KCNH7: variants seen among roughly 807,000 people sequenced by gnomAD.
The protein encoded by KCNH7 is voltage-gated inwardly rectifying potassium channel KCNH7.
A neutral mutation model predicts 120.8 loss-of-function variants in KCNH7; 49 were observed. That is an observed-to-expected ratio of 0.41 (90% CI 0.32 to 0.51). The LOEUF (loss-of-function observed/expected upper bound fraction) is 0.51. Ranked by LOEUF, KCNH7 falls within the 20% of genes least tolerant of loss-of-function variation. The pLI is 0.38. For synonymous variants in KCNH7, 547 were observed against 516.1 expected, an observed-to-expected ratio of 1.06 and a Z score of -0.81; for missense variants, 1,097 against 1,446.6, an observed-to-expected ratio of 0.76 and a Z score of 3.92.
rs571929603 is a variant in KCNH7 at position 162,648,166 on chromosome 2, A to C, written c.308-111086T>G. Reference sequence around the variant, plus strand: ...AGTAATTTATGAAGAAAAGAGGTTTAACTGACTCACAGTTCTGCAGGCTAT... The same window carrying C: ...AGTAATTTATGAAGAAAAGAGGTTTCACTGACTCACAGTTCTGCAGGCTAT... On this transcript the variant is annotated intron_variant, in intron 2 of 15. Coordinates refer to ENST00000332142, the MANE Select transcript of KCNH7 (RefSeq NM_033272.4). Among the ~76,000 whole-genome samples the C allele has an allele frequency of 3.3e-5, 5 of 152,312 alleles. No individual in the cohort carries two copies. The South Asian group carries it at 1.0e-3, about 32-fold the overall frequency.
intron 2 of KCNH7, among the ~76,000 whole-genome samples, chr2:162,666,502 T>C (rs866695027): frequency 1.4e-4 from 21 of 152,126 alleles, no homozygotes; most frequent in African/African-American, 4.6e-4. Flanking sequence ...GAAAACTTGA[T>C]CTCTCCTGAG....
chr2:162,573,539 T>A (rs1693566995), intron 2 of KCNH7, among the ~76,000 whole-genome samples: 1 of 152,044 alleles, frequency 6.6e-6, no homozygotes. Flanking sequence ...GTTTATTAAT[T>A]ACATATTTAG....
intron 2 of KCNH7, among the ~76,000 whole-genome samples, chr2:162,647,583 C>G (rs906219185): frequency 2.0e-5 from 3 of 152,082 alleles, no homozygotes; most frequent in Middle Eastern, 3.2e-3. Context: ...ATACTGTTCT[C>G]GTGGTAGTAA....
At chr2:162,537,985 C>A (rs1018273855) in intron 2 of KCNH7, 2 of 152,104 alleles carry the variant, frequency 1.3e-5, no homozygotes, top group African/African-American at 2.4e-5. Context: ...CTTTTACCCT[C>A]TGAATATGCT....
intron 2 of KCNH7, among the ~76,000 whole-genome samples, chr2:162,768,131 G>A (rs946164030): frequency 1.3e-5 from 2 of 152,136 alleles, no homozygotes; most frequent in Non-Finnish European, 1.5e-5. Context: ...TATGTCCCAC[G>A]TTTTAAATTA....
intron 6 of KCNH7, among the ~76,000 whole-genome samples, chr2:162,452,226 A>G (rs755747559): frequency 2.0e-5 from 3 of 152,030 alleles, no homozygotes; most frequent in Non-Finnish European, 4.4e-5. Flanking sequence ...TGAATGATGG[A>G]TAGTTACTAT....
intron 2 of KCNH7, among the ~76,000 whole-genome samples, chr2:162,653,624 T>G (rs554790486): frequency 1.3e-5 from 2 of 152,288 alleles, no homozygotes; most frequent in South Asian, 4.1e-4. Flanking sequence ...TCTAATGACA[T>G]TTTTCACAGA....
At chr2:162,759,496 C>T (rs1688897327) in intron 2 of KCNH7, among the ~76,000 whole-genome samples, 1 of 152,058 alleles carries the variant, frequency 6.6e-6, no homozygotes, top group Non-Finnish European at 1.5e-5. Context: ...GGTTTCTCAG[C>T]CCAATTTCTT....
At chr2:162,470,782 T>G (rs1689496325) in intron 6 of KCNH7, among the ~76,000 whole-genome samples, 1 of 152,024 alleles carries the variant, frequency 6.6e-6, no homozygotes, top group Non-Finnish European at 1.5e-5. Flanking sequence ...ATGATGACAA[T>G]GGTGGTTTTG....
At chr2:162,541,050 T>A (rs1337856886) in intron 2 of KCNH7, among the ~76,000 whole-genome samples, 1 of 152,078 alleles carries the variant, frequency 6.6e-6, no homozygotes. Flanking sequence ...GAACCATTTA[T>A]TAAAATGGGG....
intron 2 of KCNH7, among the ~76,000 whole-genome samples, chr2:162,726,481 G>T (rs544820545): frequency 1.1e-4 from 16 of 152,068 alleles, no homozygotes; most frequent in Admixed American, 5.9e-4. Flanking sequence ...GTGCAGTGGC[G>T]CCATCTCGGC....
Position 162,404,489 on chromosome 2 carries a change from C to T in KCNH7, c.2155-4048G>A, listed in dbSNP as rs149511960. Among the ~76,000 whole-genome samples, 228 of 151,988 alleles carry T rather than the reference C, an allele frequency of 1.5e-3. 2 individuals are homozygous for T. Among genetic ancestry groups the T allele is most frequent in the Non-Finnish European group, 2.2e-3 (151 of 67,924 alleles). On this transcript the variant is annotated intron_variant, in intron 9 of 15. Transcript: ENST00000332142. Reference sequence around the variant, plus strand: ...CGAAGCCTGATGTGAGGTGTTTGGTCATGGGGGTTGATTCCCCATGGTTTG... The same window carrying T: ...CGAAGCCTGATGTGAGGTGTTTGGTTATGGGGGTTGATTCCCCATGGTTTG...
At chr2:162,781,423 A>G (rs989203039) in intron 2 of KCNH7, among the ~76,000 whole-genome samples, 8 of 152,132 alleles carry the variant, frequency 5.3e-5, no homozygotes, top group Admixed American at 5.2e-4. Flanking sequence ...TTAAATCCCT[A>G]TGTTTATTAA....
At chr2:162,467,418 TGA>T (rs1458535384) in intron 6 of KCNH7, among the ~76,000 whole-genome samples, 2 of 152,102 alleles carry the variant, frequency 1.3e-5, no homozygotes, top group Non-Finnish European at 2.9e-5. Flanking sequence ...CAGAAATGAG[TGA>T]GTTATCGCTT....
intron 6 of KCNH7, among the ~76,000 whole-genome samples, chr2:162,479,463 C>G (rs1015327625): frequency 6.6e-6 from 1 of 152,096 alleles, no homozygotes; most frequent in Non-Finnish European, 1.5e-5. Context: ...CAAAACTTAA[C>G]TGAATGAGCA....
chr2:162,725,109 G>A (rs71424750), intron 2 of KCNH7, among the ~76,000 whole-genome samples: 1,985 of 152,252 alleles, frequency 0.013, 21 homozygotes, highest in South Asian at 0.035. Context: ...AATCAAAGAA[G>A]ATTATTTCAA....
intron 6 of KCNH7, among the ~76,000 whole-genome samples, chr2:162,459,752 C>T (rs1689085929): frequency 6.6e-6 from 1 of 151,988 alleles, no homozygotes; most frequent in Admixed American, 6.6e-5. Flanking sequence ...ACCAGCTCAC[C>T]CATTGGTTTG....
chr2:162,683,384 T>G (rs1314093464), intron 2 of KCNH7, among the ~76,000 whole-genome samples: 1 of 151,936 alleles, frequency 6.6e-6, no homozygotes, highest in African/African-American at 2.4e-5. Context: ...AAATTTCTAC[T>G]TGAAAGTTAC....
At chr2:162,413,257 T>G (rs1049322979) in intron 9 of KCNH7, among the ~76,000 whole-genome samples, 42 of 152,248 alleles carry the variant, frequency 2.8e-4, no homozygotes, top group Middle Eastern at 3.4e-3. Context: ...GCCTCCCAGA[T>G]AGCTGGGATT....
Sources: gnomAD v4.1 joint callset for allele counts (sites outside exome capture counted in the v4.1 genomes callset) on GRCh38, gnomAD v4.1.1 for gene constraint, MANE v1.5 for transcripts, NCBI Gene and HGNC (gene_info 2026-07-23, HGNC 2026-07-21) for gene names.